The following RPL41 variants were observed in gnomAD, a reference collection of about 807,000 sequenced individuals.
RPL41 encodes the protein small ribosomal subunit protein eS32.
Under a neutral mutation model 7.3 loss-of-function variants are expected in RPL41, and 3 were observed. The observed-to-expected ratio is 0.41, with a 90% CI of 0.19 to 1.06. The LOEUF (loss-of-function observed/expected upper bound fraction) is 1.06, where lower values mean the gene tolerates loss of function less well. Among genes scored for constraint, RPL41 ranks in the 50% least tolerant of loss-of-function variants. The pLI is 0.32. For synonymous variants in RPL41, 9 were observed against 7.4 expected (o/e 1.21, Z -0.34); for missense variants, 13 against 30.4 (o/e 0.43, Z 1.35).
At position 56,116,678 on chromosome 12, in the gene RPL41, C is replaced by CA. The variant is rs1869608197; in HGVS notation, c.-110_-109insA. On this transcript the variant is annotated 5_prime_UTR_variant, in exon 1 of 3. The change creates a new upstream start codon in the 5' untranslated region. Transcript: ENST00000546591. ...TTTTTGGGTGAGTGTTTTTTGGTTC[C>CA]TGCGTTGGGATTCCGTGTACAATCC... 2.2e-6 allele frequency: 3 copies of CA among 1,358,030 alleles called. No individual in the cohort carries two copies. Among genetic ancestry groups the CA allele is most frequent in the Non-Finnish European group, 3.2e-6 (3 of 950,836 alleles). 84.1% of individuals were successfully genotyped at this position (1,358,030 alleles called of 1,614,324 possible).
rs1258521100 is a variant in RPL41, at chr12:56,116,796, C to G, written c.9C>G (p.Ala3=). MR[A]KWRKKRMRRL... ...GTAGAAACCTCTGCGCCATGAGAGC[C>G]AAGGTGAGCGGTTCCTGGTAGTAAG... Residue 3 remains alanine, a synonymous_variant, in exon 1 of 3, where the codon GCC becomes GCG. Coordinates refer to ENST00000546591, the MANE Select transcript of RPL41 (RefSeq NM_001035267.2). 6 of 1,613,916 alleles carry G rather than the reference C, an allele frequency of 3.7e-6. No individual in the cohort carries two copies. Among genetic ancestry groups the G allele is most frequent in the Non-Finnish European group, 5.1e-6 (6 of 1,179,918 alleles).
chr12:56,117,022 T>A (rs1869627132), intron 1 of RPL41, 167 bp from the exon 2 acceptor site: 1 of 1,119,984 alleles, frequency 8.9e-7, no homozygotes, highest in East Asian at 2.5e-5. Flanking sequence ...TGGGAGGGTG[T>A]CCAAGTTACT....
chr12:56,116,651 T>C lies in RPL41; in HGVS notation c.-137T>C. 9.3e-7 allele frequency: 1 copy of C among 1,079,064 alleles called. No homozygotes were observed. Among genetic ancestry groups the C allele is most frequent in the Non-Finnish European group, 1.4e-6 (1 of 701,894 alleles). The allele number at this position is 1,079,064 out of a possible 1,614,324, so 66.8% of individuals were successfully genotyped here. ...CGCCTTTCTCTCGGCCTTAGCGCCA[T>C]TTTTTTGGGTGAGTGTTTTTTGGTT... On this transcript the variant is annotated 5_prime_UTR_variant, in exon 1 of 3. Coordinates refer to ENST00000546591, the MANE Select transcript of RPL41 (RefSeq NM_001035267.2).
chr12:56,116,687 G>C lies in RPL41; in HGVS notation c.-101G>C. Reference sequence around the variant, plus strand: ...GAGTGTTTTTTGGTTCCTGCGTTGGGATTCCGTGTACAATCCATAGACATC... The same window carrying C: ...GAGTGTTTTTTGGTTCCTGCGTTGGCATTCCGTGTACAATCCATAGACATC... On this transcript the variant is annotated 5_prime_UTR_variant, in exon 1 of 3. Transcript: ENST00000546591. 1 of 1,422,346 alleles carries C rather than the reference G, an allele frequency of 7.0e-7. No individual in the cohort carries two copies. Among genetic ancestry groups the C allele is most frequent in the East Asian group, 2.3e-5 (1 of 43,764 alleles). 88.1% of individuals were successfully genotyped at this position (1,422,346 alleles called of 1,614,324 possible).
At chr12:56,116,946 G>C (rs1869623423) in intron 1 of RPL41, 147 bp downstream of exon 1, 1 of 1,215,138 alleles carries the variant, frequency 8.2e-7, no homozygotes, top group African/African-American at 1.5e-5. Context: ...TTGTGAGAGA[G>C]CTAGCGGTTA....
At chr12:56,116,882 C>T (rs1869620696) in intron 1 of RPL41, 83 bp downstream of exon 1, 1 of 1,535,994 alleles carries the variant, frequency 6.5e-7, no homozygotes, top group Non-Finnish European at 9.0e-7. Context: ...GCCATACCTC[C>T]TGAACTACTG....
At chr12:56,117,442 C>G (rs930927577) in intron 2 of RPL41, 40 bp from the exon 3 acceptor site, 4 of 1,550,662 alleles carry the variant, frequency 2.6e-6, no homozygotes, top group Non-Finnish European at 3.5e-6. Flanking sequence ...AAAGGCAACT[C>G]TGGTTTGAGG....
In RPL41 at chr12:56,116,673, G is replaced by GGT; in HGVS notation, c.-114_-113dup. On this transcript the variant is annotated 5_prime_UTR_variant, in exon 1 of 3. Transcript: ENST00000546591. ...CCATTTTTTTGGGTGAGTGTTTTTT[G>GGT]GTTCCTGCGTTGGGATTCCGTGTAC... 7.7e-7 allele frequency: 1 copy of GGT among 1,300,478 alleles called. No homozygotes were observed. The highest frequency in any genetic ancestry group is 1.1e-6 in the Non-Finnish European group (1 of 900,034). 80.6% of individuals were successfully genotyped at this position (1,300,478 alleles called of 1,614,324 possible).
At chr12:56,117,429 G>A (rs895393814) in intron 2 of RPL41, 53 bp from the exon 3 acceptor site, 51 of 1,539,958 alleles carry the variant, frequency 3.3e-5, no homozygotes, top group Non-Finnish European at 4.4e-5. Flanking sequence ...TAATGTGGGA[G>A]GGAAAGGCAA....
Position 56,117,783 on chromosome 12 carries a change from A to C in RPL41, c.*259A>C. The C allele has an allele frequency of 4.0e-6, 2 of 500,386 alleles. No individual in the cohort carries two copies. Among genetic ancestry groups the C allele is most frequent in the Middle Eastern group, 4.4e-4 (1 of 2,258 alleles). 31.0% of individuals were successfully genotyped at this position (500,386 alleles called of 1,614,324 possible). On this transcript the variant is annotated 3_prime_UTR_variant, in exon 3 of 3. Coordinates refer to ENST00000546591, the MANE Select transcript of RPL41 (RefSeq NM_001035267.2). The stretch of plus-strand genomic sequence containing the variant: ...TGTTTATTTGTGGCCGAGTGTAACA[A>C]CCATATAATAAATCACCTCTTCCGC...
intron 1 of RPL41, 140 bp downstream of exon 1, chr12:56,116,939 TGA>T (rs1057344011): frequency 2.4e-6 from 3 of 1,237,034 alleles, no homozygotes; most frequent in African/African-American, 3.0e-5. Context: ...AGGTAGTTTG[TGA>T]GAGAGCTAGC....
At position 56,117,594 on chromosome 12, in the gene RPL41, G is replaced by C; in HGVS notation, c.*70G>C. 8.4e-7 allele frequency: 1 copy of C among 1,186,950 alleles called. No homozygotes were observed. Among genetic ancestry groups the C allele is most frequent in the South Asian group, 1.3e-5 (1 of 76,304 alleles). The allele number at this position is 1,186,950 out of a possible 1,614,324, so 73.5% of individuals were successfully genotyped here. A position where few individuals can be genotyped will look rare whatever the true frequency, so the allele number is the denominator to read the frequency against. On this transcript the variant is annotated 3_prime_UTR_variant, in exon 3 of 3. Transcript: ENST00000546591. ...GGAATGCCAGACGCTGGGGATGCTGGTACAAGTTGTGGGACTGCATGCTAC... is the reference window on the plus strand; with the variant it reads ...GGAATGCCAGACGCTGGGGATGCTGCTACAAGTTGTGGGACTGCATGCTAC...
chr12:56,116,951 C>T (rs1869623856), intron 1 of RPL41, 152 bp downstream of exon 1: 6 of 1,164,974 alleles, frequency 5.2e-6, no homozygotes, highest in Admixed American at 3.5e-5. Flanking sequence ...AGAGAGCTAG[C>T]GGTTAAGTGC....
Position 56,116,739 on chromosome 12 carries a change from G to A in RPL41, c.-49G>A. The A allele has an allele frequency of 6.2e-7, 1 of 1,612,062 alleles. No individual in the cohort carries two copies. Among genetic ancestry groups the A allele is most frequent in the Non-Finnish European group, 8.5e-7 (1 of 1,178,098 alleles). On this transcript the variant is annotated 5_prime_UTR_variant, in exon 1 of 3. Transcript: ENST00000546591. ...GACCTCGGCACTTAGCATCATCACA[G>A]CAAACTAACTGTAGCCTTTCTCTCT...
At chr12:56,117,410 C>G in intron 2 of RPL41, 72 bp from the exon 3 acceptor site, 1 of 1,481,018 alleles carries the variant, frequency 6.8e-7, no homozygotes, top group Non-Finnish European at 9.2e-7. Flanking sequence ...TTTATGTGGA[C>G]GTTTGATTTA....
Position 56,117,272 on chromosome 12 carries a change from A to G in RPL41, c.35+61A>G, listed in dbSNP as rs559819232. On this transcript the variant is annotated intron_variant, in intron 2 of 2. Coordinates refer to ENST00000546591, the MANE Select transcript of RPL41 (RefSeq NM_001035267.2). ...GTTCCTTGGACAAAACTTAGGAGAAACATTTGGTTTGGAAATCTTAAAAGA... is the reference window on the plus strand; with the variant it reads ...GTTCCTTGGACAAAACTTAGGAGAAGCATTTGGTTTGGAAATCTTAAAAGA... 8.3e-6 allele frequency: 13 copies of G among 1,566,734 alleles called. No individual in the cohort carries two copies. In the African/African-American group the frequency reaches 1.4e-4, roughly 17 times the overall value.
intron 1 of RPL41, 59 bp downstream of exon 1, chr12:56,116,858 A>G: frequency 1.2e-6 from 2 of 1,605,412 alleles, no homozygotes; most frequent in Non-Finnish European, 1.7e-6. Flanking sequence ...TAGCGAGGAG[A>G]CGAAGGCAAG....
chr12:56,117,749 C>A lies in RPL41; in HGVS notation c.*225C>A. ...TGCCCTGGACCTGTGACATTCTGGA[C>A]TATTTCTGTGTTTATTTGTGGCCGA... On this transcript the variant is annotated 3_prime_UTR_variant, in exon 3 of 3. Coordinates refer to ENST00000546591, the MANE Select transcript of RPL41 (RefSeq NM_001035267.2). The A allele has an allele frequency of 1.8e-6, 1 of 557,764 alleles. No individual in the cohort carries two copies. The allele number at this position is 557,764 out of a possible 1,614,324, so 34.6% of individuals were successfully genotyped here. A position where few individuals can be genotyped will look rare whatever the true frequency, so the allele number is the denominator to read the frequency against.
Position 56,117,822 on chromosome 12 carries a change from G to A in RPL41, c.*298G>A. On this transcript the variant is annotated 3_prime_UTR_variant, in exon 3 of 3. Transcript: ENST00000546591. ...CACCTCTTCCGCTGTTTTAGCTGAA[G>A]AATTAAATCATCTTGTCTATTATGT... 4.7e-6 allele frequency: 2 copies of A among 427,720 alleles called. No individual in the cohort carries two copies. The highest frequency in any genetic ancestry group is 8.8e-6 in the Non-Finnish European group (2 of 227,994). 26.5% of individuals were successfully genotyped at this position (427,720 alleles called of 1,614,324 possible).
Sources: allele counts gnomAD v4.1 joint callset, GRCh38; gene constraint gnomAD v4.1.1; transcripts MANE v1.5; gene names NCBI Gene and HGNC (gene_info 2026-07-23, HGNC 2026-07-21).